RNF38: variants seen among roughly 807,000 people sequenced by gnomAD.
RNF38 encodes the protein ring finger protein 38.
In RNF38, 15 loss-of-function variants were observed where a neutral mutation model predicts 67.2. The ratio of observed to expected loss-of-function variants is 0.22; its 90% CI spans 0.15 to 0.34. The LOEUF (loss-of-function observed/expected upper bound fraction) is 0.34, where lower values mean the gene tolerates loss of function less well. RNF38 is among the 10% of genes least tolerant of loss of function. The probability of loss-of-function intolerance (pLI) is 1.00; values close to 1 mark genes in which losing one functional copy is unlikely to be tolerated. For synonymous variants in RNF38, 220 were observed against 218.8 expected (o/e 1.01, Z -0.05); for missense variants, 524 against 639.9 (o/e 0.82, Z 1.95).
rs943760537 is a variant in RNF38 at position 36,477,651 on chromosome 9, T to A, written n.241+9657A>T. ...CCTGGCTAACATGGTGAAACCCCCA[T>A]CCCTACTAAAAAATACAAAAAATTA... On this transcript the variant is annotated intron_variant and non_coding_transcript_variant, in intron 1 of 3. Transcript: ENST00000488058. Among the ~76,000 whole-genome samples, 3 of 151,076 alleles carry A rather than the reference T, an allele frequency of 2.0e-5. No individual in the cohort carries two copies. The East Asian group carries it at 5.9e-4, about 30-fold the overall frequency.
At chr9:36,415,484 T>C (rs954918948) in intron 2 of RNF38, among the ~76,000 whole-genome samples, 4 of 152,216 alleles carry the variant, frequency 2.6e-5, no homozygotes. Flanking sequence ...CAATAGCTGT[T>C]GTTCAGATTC....
intron 2 of RNF38, among the ~76,000 whole-genome samples, chr9:36,384,230 A>C (rs1836423521): frequency 6.6e-6 from 1 of 152,228 alleles, no homozygotes; most frequent in Non-Finnish European, 1.5e-5. Context: ...CTAAAACAAA[A>C]AATCTAAAGT....
rs760096262 is a variant in RNF38 at position 36,354,353 on chromosome 9, G to C, written c.910-1022C>G. 2.0e-5 allele frequency among the ~76,000 whole-genome samples: 3 copies of C among 152,130 alleles called. No homozygotes were observed. The East Asian group carries it at 5.8e-4, about 29-fold the overall frequency. ...GGCTAGGGCGCCCGCCACCACACCT[G>C]GCTACTTTTTTGTATTTTTAGTAGA... is the stretch of plus-strand genomic sequence containing the variant. On this transcript the variant is annotated intron_variant, in intron 6 of 11. Transcript: ENST00000259605.
At chr9:36,474,875 C>T (rs1344514397) in intron 1 of RNF38, among the ~76,000 whole-genome samples, 2 of 148,014 alleles carry the variant, frequency 1.4e-5, no homozygotes, top group African/African-American at 5.0e-5. Context: ...GGCGCGGTGC[C>T]TCACGCCTGT....
intron 9 of RNF38, among the ~76,000 whole-genome samples, chr9:36,346,997 G>A (rs528510090): frequency 1.0e-3 from 159 of 151,790 alleles, no homozygotes; most frequent in Non-Finnish European, 1.6e-3. Context: ...GCGTGCACCT[G>A]TAATCTCAGC....
At chr9:36,482,933 G>A (rs1402527890) in intron 1 of RNF38, among the ~76,000 whole-genome samples, 1 of 152,132 alleles carries the variant, frequency 6.6e-6, no homozygotes, top group Non-Finnish European at 1.5e-5. Context: ...ACCTTTGCGT[G>A]GATTAGAAAA....
upstream of RNF38, chr9:36,400,690 C>G (rs879858891): frequency 2.0e-6 from 2 of 985,988 alleles, no homozygotes; most frequent in Non-Finnish European, 1.2e-6. Flanking sequence ...CCCCCGGAAC[C>G]CCGGCTCCAA....
At position 36,344,830 on chromosome 9, in the gene RNF38, A is replaced by G; in HGVS notation, c.1385+2T>C. On this transcript the variant is annotated splice_donor_variant, in intron 10 of 11. Transcript: ENST00000259605. LOFTEE classifies it high-confidence loss of function. The stretch of plus-strand genomic sequence containing the variant: ...GCAGTGATGTCAGAAAAATTTACTT[A>G]CAAAGTCTGTTCTGACTGGTGGTTG... 1 of 1,611,462 alleles carries G rather than the reference A, an allele frequency of 6.2e-7. No homozygotes were observed. The highest frequency in any genetic ancestry group is 8.5e-7 in the Non-Finnish European group (1 of 1,178,336).
intron 1 of RNF38, among the ~76,000 whole-genome samples, chr9:36,468,803 ACT>A (rs575473822): frequency 1.7e-3 from 252 of 150,500 alleles, no homozygotes; most frequent in African/African-American, 6.0e-3. Context: ...CAAGAGCAAA[ACT>A]CTGTCTCAAA....
At chr9:36,483,110 G>A (rs966196207) in intron 1 of RNF38, among the ~76,000 whole-genome samples, 2 of 152,176 alleles carry the variant, frequency 1.3e-5, no homozygotes, top group African/African-American at 4.8e-5. Flanking sequence ...GTACCGGCCA[G>A]GCACGGCTGT....
intron 2 of RNF38, among the ~76,000 whole-genome samples, chr9:36,381,468 C>T (rs184518260): frequency 9.3e-4 from 141 of 152,244 alleles, no homozygotes; most frequent in African/African-American, 3.0e-3. Context: ...ATTATAGGAC[C>T]TAACAGAATG....
chr9:36,414,277 A>G (rs544471539), intron 2 of RNF38, among the ~76,000 whole-genome samples: 33 of 152,280 alleles, frequency 2.2e-4, no homozygotes, highest in African/African-American at 7.9e-4. Flanking sequence ...TATTCTATTC[A>G]TCGTTCTCGC....
chr9:36,398,694 T>G (rs1333479672), intron 1 of RNF38, among the ~76,000 whole-genome samples: 1 of 152,226 alleles, frequency 6.6e-6, no homozygotes, highest in Non-Finnish European at 1.5e-5. Context: ...GAAAACTGTC[T>G]GACATGTTTT....
At chr9:36,443,379 C>T (rs765125861) in intron 1 of RNF38, among the ~76,000 whole-genome samples, 2 of 151,950 alleles carry the variant, frequency 1.3e-5, no homozygotes, top group Admixed American at 6.6e-5. Flanking sequence ...CCTCAAAGAC[C>T]GATTTTCACA....
At chr9:36,380,412 C>T (rs1836125403) in intron 2 of RNF38, among the ~76,000 whole-genome samples, 1 of 152,136 alleles carries the variant, frequency 6.6e-6, no homozygotes, top group South Asian at 2.1e-4. Context: ...GTTGGTCAGG[C>T]TGGTCTCGAA....
At chr9:36,405,413 C>T (rs1838153685), upstream of RNF38, among the ~76,000 whole-genome samples, 1 of 152,090 alleles carries the variant, frequency 6.6e-6, no homozygotes, top group Non-Finnish European at 1.5e-5. Context: ...CCATTTTAGG[C>T]TTACTGTATT....
At chr9:36,482,470 A>T (rs1352500907) in intron 1 of RNF38, among the ~76,000 whole-genome samples, 1 of 149,690 alleles carries the variant, frequency 6.7e-6, no homozygotes, top group African/African-American at 2.5e-5. Flanking sequence ...CTCCTGCCTC[A>T]GCCTCCAAAG....
intron 4 of RNF38, among the ~76,000 whole-genome samples, chr9:36,358,858 A>C (rs1021102095): frequency 4.6e-5 from 7 of 152,166 alleles, no homozygotes; most frequent in African/African-American, 1.7e-4. Context: ...AAAAATACAA[A>C]AAATTAGCTG....
upstream of RNF38, among the ~76,000 whole-genome samples, chr9:36,402,510 A>T (rs980829013): frequency 2.8e-4 from 43 of 151,622 alleles, no homozygotes; most frequent in Admixed American, 1.9e-3. Flanking sequence ...AAAAAAAAAA[A>T]ATCCTCCCTA....
Sources: allele counts gnomAD v4.1 joint callset (sites outside exome capture counted in the v4.1 genomes callset), GRCh38; gene constraint gnomAD v4.1.1; transcripts MANE v1.5; gene names NCBI Gene and HGNC (gene_info 2026-07-23, HGNC 2026-07-21).